The following SRPK1 variants were observed in gnomAD, a reference collection of about 807,000 sequenced individuals.
The protein encoded by SRPK1 is SFRS protein kinase 1.
In SRPK1, 52 loss-of-function variants were observed where a neutral mutation model predicts 89.5. The observed-to-expected ratio is 0.58, with a 90% confidence interval of 0.46 to 0.73. SRPK1 has a LOEUF of 0.73. Ranked by LOEUF, SRPK1 falls within the 30% of genes least tolerant of loss-of-function variation. SRPK1 has a pLI of 0.00. For synonymous variants in SRPK1, 255 were observed against 270.2 expected, an observed-to-expected ratio of 0.94 and a Z score of 0.55; for missense variants, 603 against 780.6, an observed-to-expected ratio of 0.77 and a Z score of 2.71.
At chr6:35,876,085 T>TTA (rs36015298) in intron 6 of SRPK1, among the ~76,000 whole-genome samples, 1 of 77,646 alleles carries the variant, frequency 1.3e-5, no homozygotes, top group Non-Finnish European at 2.4e-5. Context: ...ATTCTTAAAT[T>TTA]AAAAAAAAAA....
chr6:35,855,754 T>C (rs1414577209), intron 13 of SRPK1, among the ~76,000 whole-genome samples: 6 of 152,172 alleles, frequency 3.9e-5, no homozygotes, highest in Non-Finnish European at 7.4e-5. Context: ...AGTTGGTTTT[T>C]TCGATGTTTC....
chr6:35,882,112 G>GTAC (rs1770305789), intron 6 of SRPK1, among the ~76,000 whole-genome samples: 1 of 118,258 alleles, frequency 8.5e-6, no homozygotes, highest in African/African-American at 3.3e-5. Flanking sequence ...AATAGTAGTA[G>GTAC]TAGTACTAGT....
At position 35,897,653 on chromosome 6, in the gene SRPK1, C is replaced by T. The variant is rs560287146; in HGVS notation, c.75-6640G>A. Among the ~76,000 whole-genome samples the T allele has an allele frequency of 3.9e-5, 6 of 152,268 alleles. No homozygotes were observed. In the East Asian group the frequency reaches 1.2e-3, roughly 29 times the overall value. On this transcript the variant is annotated intron_variant, in intron 2 of 15. Transcript: ENST00000373825. ...CCTCAGTCCCAAGTATCTGGGACTA[C>T]AGGCGTGCACCACCATGCCTGGCTA...
Position 35,912,809 on chromosome 6 carries a change from G to T in SRPK1, c.74+7659C>A, listed in dbSNP as rs77307041. Among the ~76,000 whole-genome samples, 1,116 of 152,270 alleles carry T rather than the reference G, an allele frequency of 7.3e-3. 16 individuals are homozygous for T. The highest frequency in any genetic ancestry group is 0.024 in the African/African-American group (991 of 41,562). On this transcript the variant is annotated intron_variant, in intron 2 of 15. Transcript: ENST00000373825. ...TTTCTTCCCTTCTTTTGGAGACAGG[G>T]GTCTTGTTCTGTCACCTAGGCTGGA...
chr6:35,852,370 G>T (rs1363469206), intron 13 of SRPK1, among the ~76,000 whole-genome samples: 1 of 152,170 alleles, frequency 6.6e-6, no homozygotes, highest in East Asian at 1.9e-4. Flanking sequence ...TGAAAGAGAT[G>T]AGATTATACT....
At chr6:35,902,232 C>CAAAAAAAAAAAA (rs58763282) in intron 2 of SRPK1, among the ~76,000 whole-genome samples, 4 of 83,570 alleles carry the variant, frequency 4.8e-5, no homozygotes, top group Non-Finnish European at 7.2e-5. Context: ...TCCGTCTCTA[C>CAAAAAAAAAAAA]AAAAAAAAAA....
chr6:35,890,456 A>G (rs1308728537), intron 3 of SRPK1, among the ~76,000 whole-genome samples: 10 of 152,258 alleles, frequency 6.6e-5, no homozygotes, highest in African/African-American at 2.4e-4. Flanking sequence ...CAAGAAACAG[A>G]AAAGATTAAC....
At chr6:35,865,734 C>T (rs1769882381) in intron 12 of SRPK1, among the ~76,000 whole-genome samples, 1 of 152,112 alleles carries the variant, frequency 6.6e-6, no homozygotes. Context: ...GAAAACTGGA[C>T]TGCCATATGC....
At chr6:35,910,504 G>A (rs1770937593) in intron 2 of SRPK1, among the ~76,000 whole-genome samples, 1 of 152,180 alleles carries the variant, frequency 6.6e-6, no homozygotes, top group Non-Finnish European at 1.5e-5. Flanking sequence ...AAAGTGCAAG[G>A]TAAAGCAGTG....
chr6:35,838,917 G>A (rs892820141), intron 14 of SRPK1: 6 of 1,076,028 alleles, frequency 5.6e-6, no homozygotes, highest in Non-Finnish European at 6.2e-6. Context: ...CAAGGATACT[G>A]AAGGAAGACT....
At chr6:35,897,395 T>C (rs1391019242) in intron 2 of SRPK1, among the ~76,000 whole-genome samples, 2 of 152,252 alleles carry the variant, frequency 1.3e-5, no homozygotes, top group Non-Finnish European at 2.9e-5. Context: ...TGTGCACGTC[T>C]ATCCAACTAT....
chr6:35,904,015 G>T (rs1770797207), intron 2 of SRPK1, among the ~76,000 whole-genome samples: 1 of 151,500 alleles, frequency 6.6e-6, no homozygotes. Flanking sequence ...AATTGCCCAG[G>T]CTGGTCTTGA....
chr6:35,854,710 T>C (rs1352562912), intron 13 of SRPK1, among the ~76,000 whole-genome samples: 1 of 134,972 alleles, frequency 7.4e-6, no homozygotes, highest in Non-Finnish European at 1.6e-5. Flanking sequence ...AACAGAAATG[T>C]GGAATAAAAA....
In SRPK1 at chr6:35,869,483, T is replaced by C; in HGVS notation, c.1410A>G (p.Lys470=). ...EQEHNGPLDN[K]GKSTAGNFLV... Reference sequence around the variant, plus strand: ...GAGGAAGTATAGCTGCATAGGTACCTTTGTTGTCCAGTGGTCCGTTATGTT... The same window carrying C: ...GAGGAAGTATAGCTGCATAGGTACCCTTGTTGTCCAGTGGTCCGTTATGTT... The change falls in exon 11 of 16, where the codon AAA becomes AAG. Residue 470 remains lysine, a splice_region_variant and synonymous_variant. Coordinates refer to ENST00000373825, the MANE Select transcript of SRPK1 (RefSeq NM_003137.5). The C allele has an allele frequency of 6.2e-7, 1 of 1,612,126 alleles. No individual in the cohort carries two copies. Among genetic ancestry groups the C allele is most frequent in the Non-Finnish European group, 8.5e-7 (1 of 1,178,348 alleles).
At chr6:35,920,414 G>A (rs1475692347) in intron 2 of SRPK1, 54 bp downstream of exon 2, 2 of 1,596,322 alleles carry the variant, frequency 1.3e-6, no homozygotes, top group Non-Finnish European at 1.7e-6. Flanking sequence ...AACCAGAGCA[G>A]AGAAGGTGCC....
chr6:35,889,194 T>C (rs1253198463), intron 3 of SRPK1, among the ~76,000 whole-genome samples: 2 of 152,100 alleles, frequency 1.3e-5, no homozygotes, highest in Non-Finnish European at 2.9e-5. Flanking sequence ...AGGTTGTATA[T>C]CATGATATTC....
At chr6:35,919,460 G>A (rs1291670364) in intron 2 of SRPK1, among the ~76,000 whole-genome samples, 1 of 152,136 alleles carries the variant, frequency 6.6e-6, no homozygotes, top group African/African-American at 2.4e-5. Flanking sequence ...GAATTAGACC[G>A]CATACGATGC....
intron 2 of SRPK1, among the ~76,000 whole-genome samples, chr6:35,919,726 T>C (rs959527031): frequency 1.3e-5 from 2 of 152,230 alleles, no homozygotes; most frequent in African/African-American, 4.8e-5. Context: ...ACTACTGTTA[T>C]GCATCCTACT....
rs547278422 is a variant in SRPK1 at position 35,840,077 on chromosome 6, G to A, written c.1691-1648C>T. ...CCACCTCAGCCTCCTGAAGTGCTGG[G>A]ATTACAGGCGTGAACCACCACACCC... On this transcript the variant is annotated intron_variant, in intron 14 of 15. Coordinates refer to ENST00000373825, the MANE Select transcript of SRPK1 (RefSeq NM_003137.5). Among the ~76,000 whole-genome samples, 149 of 152,276 alleles carry A rather than the reference G, an allele frequency of 9.8e-4. 1 individual carries two copies. The highest frequency in any genetic ancestry group is 3.1e-3 in the African/African-American group (129 of 41,554).
Sources: allele counts gnomAD v4.1 joint callset (sites outside exome capture counted in the v4.1 genomes callset), GRCh38; gene constraint gnomAD v4.1.1; transcripts MANE v1.5; gene names NCBI Gene and HGNC (gene_info 2026-07-23, HGNC 2026-07-21).